The following LTBP2 variants were observed in gnomAD, a reference collection of about 807,000 sequenced individuals.
The protein encoded by LTBP2 is latent transforming growth factor beta binding protein 2, also known as latent-transforming growth factor beta-binding protein 2.
LTBP2 carries 103 observed loss-of-function variants against 210.6 expected under a neutral mutation model. That is an observed-to-expected ratio of 0.49 (90% CI 0.42 to 0.58). The LOEUF (loss-of-function observed/expected upper bound fraction) is 0.58. Ranked by LOEUF, LTBP2 falls within the 20% of genes least tolerant of loss-of-function variation. The pLI, the probability that LTBP2 is intolerant of heterozygous loss-of-function variation, is 0.00. For synonymous variants in LTBP2, 1,007 were observed against 1,015.0 expected (o/e 0.99, Z 0.15); for missense variants, 2,313 against 2,494.5 (o/e 0.93, Z 1.55).
chr14:74,563,169 C>T (rs2087817954), intron 3 of LTBP2, among the ~76,000 whole-genome samples: 1 of 152,202 alleles, frequency 6.6e-6, no homozygotes, highest in African/African-American at 2.4e-5. Context: ...GCTCTATCCT[C>T]AATCAGGTCA....
chr14:74,544,414 T>A (rs1478175559), intron 8 of LTBP2, among the ~76,000 whole-genome samples: 1 of 152,152 alleles, frequency 6.6e-6, no homozygotes, highest in East Asian at 1.9e-4. Context: ...GCACCCAACA[T>A]CTAGAAATAT....
At chr14:74,546,440 C>T (rs1435174696) in intron 8 of LTBP2, among the ~76,000 whole-genome samples, 4 of 152,240 alleles carry the variant, frequency 2.6e-5, no homozygotes, top group African/African-American at 9.6e-5. Context: ...ACAAACAAGG[C>T]TCCCCAACGT....
chr14:74,503,820 T>C, intron 31 of LTBP2, 106 bp downstream of exon 31: 1 of 1,525,046 alleles, frequency 6.6e-7, no homozygotes, highest in Non-Finnish European at 8.9e-7. Context: ...GCGGCCTCCC[T>C]AGGAAGGGGG....
intron 3 of LTBP2, among the ~76,000 whole-genome samples, chr14:74,581,612 C>T (rs1004982578): frequency 1.3e-5 from 2 of 152,088 alleles, no homozygotes; most frequent in East Asian, 1.9e-4. Context: ...CTCCGTCTTA[C>T]AATTGCAAGG....
intron 3 of LTBP2, among the ~76,000 whole-genome samples, chr14:74,583,048 A>G (rs1276972372): frequency 6.6e-6 from 1 of 152,162 alleles, no homozygotes; most frequent in African/African-American, 2.4e-5. Flanking sequence ...GTCAGCCCAG[A>G]CAACAGCTGG....
At chr14:74,554,627 A>T (rs2087706234) in intron 4 of LTBP2, among the ~76,000 whole-genome samples, 1 of 152,218 alleles carries the variant, frequency 6.6e-6, no homozygotes, top group Non-Finnish European at 1.5e-5. Flanking sequence ...GAGACGGGAA[A>T]TAGGTGAGTG....
chr14:74,523,398 A>G (rs897554616), intron 15 of LTBP2, among the ~76,000 whole-genome samples: 12 of 152,024 alleles, frequency 7.9e-5, no homozygotes, highest in Non-Finnish European at 1.3e-4. Flanking sequence ...AGCCACATTG[A>G]GACTGGCCTG....
chr14:74,524,070 G>A (rs1174179562), intron 15 of LTBP2, among the ~76,000 whole-genome samples: 4 of 152,064 alleles, frequency 2.6e-5, no homozygotes, highest in Non-Finnish European at 5.9e-5. Flanking sequence ...AAAGGCTGAG[G>A]CTGGGGTTGC....
chr14:74,605,808 A>G (rs190826285), intron 1 of LTBP2, among the ~76,000 whole-genome samples: 1 of 152,274 alleles, frequency 6.6e-6, no homozygotes, highest in East Asian at 1.9e-4. Context: ...TTGCCTGCAC[A>G]GAGTAGGCCC....
intron 3 of LTBP2, among the ~76,000 whole-genome samples, chr14:74,575,476 C>T (rs1566646065): frequency 6.6e-6 from 1 of 152,248 alleles, no homozygotes; most frequent in Non-Finnish European, 1.5e-5. Flanking sequence ...CTGCACAACT[C>T]TTGGGTTACC....
rs2086911339 is a variant in LTBP2 at position 74,501,569 on chromosome 14, C to T, written c.5192G>A (p.Gly1731Glu). Residue 1731 changes from glycine to glutamate, a missense_variant, in exon 35 of 36, where the codon GGG becomes GAG. Gly to Glu is a moderately conservative substitution (Grantham distance 98). Around this residue, in one of 3 missense-constraint regions of LTBP2, gnomAD observed 443 missense variants for 501.4 expected, o/e 0.88. Coordinates refer to ENST00000261978, the MANE Select transcript of LTBP2 (RefSeq NM_000428.3). ...GATGCCGCACTCCTCCGCCTGAAGC[C>T]CTTCGAAGCCGGCTGGGGGCTCTGG... The part of the protein sequence containing the change: ...SHPEPPAGFE[G>E]LQAEECGILN... 2 of 1,614,108 alleles carry T rather than the reference C, an allele frequency of 1.2e-6. No homozygotes were observed. The highest frequency in any genetic ancestry group is 1.6e-4 in the Middle Eastern group (1 of 6,062).
At position 74,503,202 on chromosome 14, in the gene LTBP2, C is replaced by T. The variant is rs1187672062; in HGVS notation, c.4888+17G>A. The stretch of plus-strand genomic sequence containing the variant: ...CCTGGCCCAGCCCTGCAGGGTATCC[C>T]CTTTGCTCCCCCTCACCAGAGCTCC... On this transcript the variant is annotated intron_variant, in intron 33 of 35. Coordinates refer to ENST00000261978, the MANE Select transcript of LTBP2 (RefSeq NM_000428.3). 9 of 1,613,442 alleles carry T rather than the reference C, an allele frequency of 5.6e-6. No individual in the cohort carries two copies. The highest frequency in any genetic ancestry group is 1.7e-4 in the Middle Eastern group (1 of 5,992).
At chr14:74,527,136 A>G (rs1240378389) in intron 13 of LTBP2, among the ~76,000 whole-genome samples, 1 of 152,226 alleles carries the variant, frequency 6.6e-6, no homozygotes, top group Non-Finnish European at 1.5e-5. Flanking sequence ...GCTGCTCCAT[A>G]AACAAGAGCT....
rs773910322 is a variant in LTBP2 at position 74,508,603 on chromosome 14, C to G, written c.3652+1G>C. 1.4e-5 allele frequency: 22 copies of G among 1,605,726 alleles called. 1 individual carries two copies. The highest frequency in any genetic ancestry group is 1.8e-5 in the Non-Finnish European group (21 of 1,179,588). On this transcript the variant is annotated splice_donor_variant, in intron 24 of 35. Coordinates refer to ENST00000261978, the MANE Select transcript of LTBP2 (RefSeq NM_000428.3). LOFTEE classifies it high-confidence loss of function. The stretch of plus-strand genomic sequence containing the variant: ...TAGAGGTAGCTGTGCTGGCTTCTCA[C>G]CCTGGCAGCTGGTGCCCCCCTCTGC...
In LTBP2 at chr14:74,603,692, C is replaced by T. The variant is rs143777450; in HGVS notation, c.508G>A (p.Gly170Arg). The T allele has an allele frequency of 2.7e-5, 44 of 1,614,020 alleles. No individual in the cohort carries two copies. The East Asian group carries it at 4.2e-4, about 16-fold the overall frequency. The change falls in exon 2 of 36, where the codon GGG becomes AGG. Residue 170 changes from glycine to arginine, a missense_variant. Transcript: ENST00000261978. ...GTCCATCCTGGGCAGCACTGTCCCC[C>T]GCAGACGTTCCTCCTGTGGGGTCAC... ...RGRLTGRNVC[G>R]GQCCPGWTTA...
intron 16 of LTBP2, 96 bp downstream of exon 16, chr14:74,522,694 A>T: frequency 7.0e-7 from 1 of 1,431,008 alleles, no homozygotes; most frequent in Non-Finnish European, 9.4e-7. Context: ...CACTGCTTGG[A>T]CCTTCTGCTT....
chr14:74,583,774 G>A (rs2088167671), intron 3 of LTBP2, among the ~76,000 whole-genome samples: 1 of 152,232 alleles, frequency 6.6e-6, no homozygotes. Flanking sequence ...CATGGTGTTA[G>A]GTACCAGGGA....
intron 1 of LTBP2, among the ~76,000 whole-genome samples, chr14:74,610,817 A>G (rs1030640942): frequency 6.6e-6 from 1 of 152,134 alleles, no homozygotes; most frequent in African/African-American, 2.4e-5. Context: ...CACTGATCCA[A>G]TTCTCCACGC....
intron 30 of LTBP2, 128 bp from the exon 31 acceptor site, chr14:74,504,182 T>A: frequency 8.5e-7 from 1 of 1,172,276 alleles, no homozygotes; most frequent in Non-Finnish European, 1.2e-6. Flanking sequence ...TTTGGGCAAG[T>A]TGCTTAAGTT....
Sources: allele counts gnomAD v4.1 joint callset (sites outside exome capture counted in the v4.1 genomes callset), GRCh38; gene constraint gnomAD v4.1.1; regional missense constraint gnomAD v4.1.1; transcripts MANE v1.5; gene names NCBI Gene and HGNC (gene_info 2026-07-23, HGNC 2026-07-21).